AOPEP: variants seen among roughly 807,000 people sequenced by gnomAD.
AOPEP encodes aminopeptidase O (putative), also known as aminopeptidase O.
In AOPEP, 77 loss-of-function variants were observed where a neutral mutation model predicts 98.1. The ratio of observed to expected loss-of-function variants is 0.78; its 90% CI spans 0.65 to 0.95. AOPEP has a LOEUF of 0.95. Ranked by LOEUF, AOPEP falls within the 40% of genes least tolerant of loss-of-function variation. The pLI is 0.00. For synonymous variants in AOPEP, 346 were observed against 365.3 expected (o/e 0.95, Z 0.60); for missense variants, 1,024 against 1,024.7 (o/e 1.00, Z 0.01).
chr9:94,965,976 T>C (rs1393065393), intron 9 of AOPEP, among the ~76,000 whole-genome samples: 4 of 149,706 alleles, frequency 2.7e-5, no homozygotes, highest in African/African-American at 7.4e-5. Flanking sequence ...CTTGGTTCTA[T>C]TGGGAGGCTT....
At chr9:94,783,146 A>G (rs1025074559) in intron 3 of AOPEP, among the ~76,000 whole-genome samples, 4 of 152,216 alleles carry the variant, frequency 2.6e-5, no homozygotes, top group Non-Finnish European at 5.9e-5. Context: ...TGAGACTTGA[A>G]TAACAAGCCT....
intron 11 of AOPEP, among the ~76,000 whole-genome samples, chr9:95,003,226 C>G (rs1289774887): frequency 1.3e-5 from 2 of 152,134 alleles, no homozygotes; most frequent in Non-Finnish European, 2.9e-5. Context: ...AAAAACTTTT[C>G]AAATAACTAG....
At chr9:94,863,778 C>G (rs1243769700) in intron 5 of AOPEP, among the ~76,000 whole-genome samples, 1 of 152,094 alleles carries the variant, frequency 6.6e-6, no homozygotes, top group Non-Finnish European at 1.5e-5. Flanking sequence ...GGAAATGCAG[C>G]AAGTGTATGT....
intron 1 of AOPEP, among the ~76,000 whole-genome samples, chr9:94,743,548 G>C (rs1588001349): frequency 6.6e-6 from 1 of 152,212 alleles, no homozygotes; most frequent in Admixed American, 6.5e-5. Flanking sequence ...CAACTAGAGT[G>C]TTAGCTATTG....
downstream of AOPEP, among the ~76,000 whole-genome samples, chr9:95,089,569 C>T (rs1288407532): frequency 6.6e-6 from 1 of 152,232 alleles, no homozygotes; most frequent in African/African-American, 2.4e-5. Context: ...TTGACATCTG[C>T]TGAAGCCTCC....
At chr9:95,058,651 G>A (rs1296886022) in intron 13 of AOPEP, among the ~76,000 whole-genome samples, 3 of 152,208 alleles carry the variant, frequency 2.0e-5, no homozygotes, top group Non-Finnish European at 4.4e-5. Context: ...CCATCCTGTT[G>A]TGGCCTGGCC....
chr9:94,984,931 C>A (rs1037794434), intron 11 of AOPEP, among the ~76,000 whole-genome samples: 1 of 152,200 alleles, frequency 6.6e-6, no homozygotes, highest in Non-Finnish European at 1.5e-5. Flanking sequence ...AGGTACGGGG[C>A]GGGAGTGCTG....
chr9:95,058,353 A>G (rs1163766010), intron 13 of AOPEP, among the ~76,000 whole-genome samples: 1 of 152,212 alleles, frequency 6.6e-6, no homozygotes, highest in Non-Finnish European at 1.5e-5. Flanking sequence ...CAAGCGTATA[A>G]TATGGGGAGA....
chr9:95,046,830 C>T (rs1451800896), intron 13 of AOPEP, among the ~76,000 whole-genome samples: 3 of 152,126 alleles, frequency 2.0e-5, no homozygotes, highest in Non-Finnish European at 4.4e-5. Flanking sequence ...AGAATGTCAT[C>T]TTACTTCAGG....
Position 94,844,062 on chromosome 9 carries a change from G to C in AOPEP, c.1364+43060G>C, listed in dbSNP as rs1189456440. Among the ~76,000 whole-genome samples, 2 of 152,000 alleles carry C rather than the reference G, an allele frequency of 1.3e-5. 1 individual carries two copies. Among genetic ancestry groups the C allele is most frequent in the Non-Finnish European group, 2.9e-5 (2 of 67,978 alleles). On this transcript the variant is annotated intron_variant, in intron 5 of 16. Transcript: ENST00000375315. ...TTAAAGGAGGATATTTATTAGTTTT[G>C]TTCTGTTTTTTTGAGGCAGAGTCTC...
the AOPEP span, chr9:95,113,625 A>ATTTT: frequency 1.3e-5 from 2 of 149,222 alleles, no homozygotes; most frequent in Non-Finnish European, 3.0e-5. Context: ...CAAAAAAAAA[A>ATTTT]ATTTTTTTTT....
chr9:94,799,626 G>T (rs1353123478), intron 4 of AOPEP, among the ~76,000 whole-genome samples: 1 of 152,118 alleles, frequency 6.6e-6, no homozygotes, highest in Non-Finnish European at 1.5e-5. Flanking sequence ...TGTTTTGGAG[G>T]CTGAGGCGGG....
intron 13 of AOPEP, among the ~76,000 whole-genome samples, chr9:95,057,236 T>C (rs1426648021): frequency 6.6e-6 from 1 of 152,252 alleles, no homozygotes; most frequent in African/African-American, 2.4e-5. Flanking sequence ...CCGCCAGTGC[T>C]GCTGTATTAA....
At chr9:94,803,707 T>C (rs2133813519) in intron 5 of AOPEP, among the ~76,000 whole-genome samples, 1 of 152,372 alleles carries the variant, frequency 6.6e-6, no homozygotes, top group East Asian at 1.9e-4. Flanking sequence ...TCATGATTTT[T>C]GTCACCTTTT....
At chr9:94,990,690 TC>T (rs1294884209) in intron 11 of AOPEP, among the ~76,000 whole-genome samples, 1 of 152,106 alleles carries the variant, frequency 6.6e-6, no homozygotes, top group Non-Finnish European at 1.5e-5. Context: ...ACTGGCGTGA[TC>T]TCGGCTCACT....
At chr9:95,012,077 A>AAG (rs1415680174) in intron 13 of AOPEP, among the ~76,000 whole-genome samples, 4 of 152,214 alleles carry the variant, frequency 2.6e-5, no homozygotes, top group Non-Finnish European at 5.9e-5. Context: ...AAGTAGTATC[A>AAG]CAACCAGCAA....
chr9:95,122,809 G>A, the AOPEP span, among the ~76,000 whole-genome samples: 17 of 152,170 alleles, frequency 1.1e-4, no homozygotes, highest in Admixed American at 9.2e-4. Flanking sequence ...CCAGAGGCCC[G>A]TTCCTAATGG....
chr9:94,756,041 C>T (rs980073313), intron 1 of AOPEP, among the ~76,000 whole-genome samples: 7 of 151,954 alleles, frequency 4.6e-5, no homozygotes, highest in African/African-American at 1.4e-4. Flanking sequence ...AGGCAGATCA[C>T]GAGGTCAGGA....
the AOPEP span, chr9:95,107,174 T>C: frequency 5.5e-5 from 88 of 1,614,220 alleles, no homozygotes; most frequent in Admixed American, 1.4e-3. Flanking sequence ...GGTCTGTGTC[T>C]GTGCCCTGTC....
Sources: allele counts gnomAD v4.1 joint callset (sites outside exome capture counted in the v4.1 genomes callset), GRCh38; gene constraint gnomAD v4.1.1; transcripts MANE v1.5; gene names NCBI Gene and HGNC (gene_info 2026-07-23, HGNC 2026-07-21).